Variants in NAALADL2 observed in about 807,000 individuals in gnomAD.
NAALADL2 encodes N-acetylated alpha-linked acidic dipeptidase like 2.
NAALADL2 carries 76 observed loss-of-function variants against 87.2 expected under a neutral mutation model. The ratio of observed to expected loss-of-function variants is 0.87; its 90% CI spans 0.72 to 1.05. NAALADL2 has a LOEUF of 1.05. NAALADL2 is among the 50% of genes least tolerant of loss of function. The pLI, the probability that NAALADL2 is intolerant of heterozygous loss-of-function variation, is 0.00. For synonymous variants in NAALADL2, 354 were observed against 331.0 expected, an observed-to-expected ratio of 1.07 and a Z score of -0.75; for missense variants, 1,089 against 945.8, an observed-to-expected ratio of 1.15 and a Z score of -1.99.
intron 1 of NAALADL2, among the ~76,000 whole-genome samples, chr3:175,005,257 T>C (rs1178456664): frequency 6.6e-6 from 1 of 152,150 alleles, no homozygotes; most frequent in Non-Finnish European, 1.5e-5. Context: ...TAATAACTTA[T>C]TCAAGGTCAA....
chr3:175,135,107 A>G lies in NAALADL2; in HGVS notation c.545+37816A>G, dbSNP rs566715817. On this transcript the variant is annotated intron_variant, in intron 2 of 13. Transcript: ENST00000454872. ...TGGCTCCTGTCTGCTACTACTGCAAATAATGTTTTGTTCAAAAATAATATC... is the reference window on the plus strand; with the variant it reads ...TGGCTCCTGTCTGCTACTACTGCAAGTAATGTTTTGTTCAAAAATAATATC... Among the ~76,000 whole-genome samples, 7 of 152,282 alleles carry G rather than the reference A, an allele frequency of 4.6e-5. No homozygotes were observed. In the East Asian group the frequency reaches 1.2e-3, roughly 25 times the overall value.
chr3:175,713,596 T>C (rs1740830567), intron 11 of NAALADL2, among the ~76,000 whole-genome samples: 1 of 152,138 alleles, frequency 6.6e-6, no homozygotes, highest in Non-Finnish European at 1.5e-5. Flanking sequence ...CAAATGATGT[T>C]ATTTAATAAT....
intron 5 of NAALADL2, among the ~76,000 whole-genome samples, chr3:175,346,096 A>G (rs555820831): frequency 4.2e-4 from 64 of 152,258 alleles, no homozygotes; most frequent in Middle Eastern, 6.8e-3. Context: ...TTTGACTGTA[A>G]CATTTATATA....
At chr3:174,792,910 CTTT>C (rs1211834812) in intron 3 of NAALADL2, among the ~76,000 whole-genome samples, 1 of 152,042 alleles carries the variant, frequency 6.6e-6, no homozygotes, top group African/African-American at 2.4e-5. Context: ...TCACTGCCAG[CTTT>C]AAAGGGTTTG....
At chr3:174,781,290 G>A (rs552363699) in intron 3 of NAALADL2, among the ~76,000 whole-genome samples, 1 of 150,866 alleles carries the variant, frequency 6.6e-6, no homozygotes, top group African/African-American at 2.5e-5. Context: ...TATCTTTGTG[G>A]TGTTCTCTGT....
intron 1 of NAALADL2, among the ~76,000 whole-genome samples, chr3:174,976,239 A>C (rs76460758): frequency 0.024 from 3,720 of 152,296 alleles, 144 homozygotes; most frequent in East Asian, 0.19. Flanking sequence ...CCTTAAAACT[A>C]TCTTATAGAT....
intron 1 of NAALADL2, among the ~76,000 whole-genome samples, chr3:174,531,539 A>G (rs967434645): frequency 1.3e-5 from 2 of 152,194 alleles, no homozygotes; most frequent in Non-Finnish European, 2.9e-5. Flanking sequence ...CTGAGAGTCA[A>G]TCTTTTGTGA....
chr3:175,598,184 G>A (rs913278536), intron 10 of NAALADL2, among the ~76,000 whole-genome samples: 3 of 151,810 alleles, frequency 2.0e-5, no homozygotes, highest in African/African-American at 7.3e-5. Context: ...GAATGACTTT[G>A]GACTTCAATT....
At chr3:175,678,988 G>A (rs1196638812) in intron 11 of NAALADL2, among the ~76,000 whole-genome samples, 1 of 151,944 alleles carries the variant, frequency 6.6e-6, no homozygotes, top group East Asian at 1.9e-4. Flanking sequence ...CCCTTTTATA[G>A]GATTTGGGTA....
chr3:175,739,749 A>C (rs945462507), intron 12 of NAALADL2, among the ~76,000 whole-genome samples: 3 of 152,194 alleles, frequency 2.0e-5, no homozygotes, highest in Admixed American at 1.3e-4. Flanking sequence ...AAATAAACCA[A>C]AATTAAAATC....
At chr3:174,519,375 C>T (rs1038574547) in intron 1 of NAALADL2, among the ~76,000 whole-genome samples, 1 of 146,674 alleles carries the variant, frequency 6.8e-6, no homozygotes, top group Admixed American at 6.8e-5. Context: ...TTTGCCCAGG[C>T]TGGAGTGCAG....
chr3:175,052,916 C>A (rs1450890830), intron 1 of NAALADL2, among the ~76,000 whole-genome samples: 3 of 152,070 alleles, frequency 2.0e-5, no homozygotes, highest in Admixed American at 6.6e-5. Flanking sequence ...TTGTTCAGAC[C>A]AGCTTAACAT....
At chr3:174,599,376 T>C (rs1184175113) in intron 2 of NAALADL2, among the ~76,000 whole-genome samples, 1 of 152,150 alleles carries the variant, frequency 6.6e-6, no homozygotes, top group African/African-American at 2.4e-5. Flanking sequence ...AAAACTGACC[T>C]TCTAGATGGT....
At chr3:175,492,627 C>T (rs979662288) in intron 9 of NAALADL2, among the ~76,000 whole-genome samples, 1 of 152,112 alleles carries the variant, frequency 6.6e-6, no homozygotes, top group Non-Finnish European at 1.5e-5. Context: ...ATAGATCGTT[C>T]ACATTCATTT....
intron 1 of NAALADL2, among the ~76,000 whole-genome samples, chr3:175,025,241 TG>T (rs1189149419): frequency 2.6e-5 from 4 of 151,774 alleles, no homozygotes; most frequent in East Asian, 1.9e-4. Flanking sequence ...AGCAGGCATA[TG>T]AAAAAAAAAA....
intron 4 of NAALADL2, among the ~76,000 whole-genome samples, chr3:175,305,780 C>T (rs1218009951): frequency 6.6e-6 from 1 of 152,150 alleles, no homozygotes; most frequent in Non-Finnish European, 1.5e-5. Flanking sequence ...CCTCGGCCTC[C>T]CAAAGTGCTG....
At chr3:174,685,916 G>A (rs1277290602) in intron 2 of NAALADL2, among the ~76,000 whole-genome samples, 1 of 151,540 alleles carries the variant, frequency 6.6e-6, no homozygotes. Context: ...AGAACATGCG[G>A]TATTGGTTTT....
At chr3:174,649,861 CTGAG>C (rs1724177291) in intron 2 of NAALADL2, among the ~76,000 whole-genome samples, 2 of 152,122 alleles carry the variant, frequency 1.3e-5, no homozygotes, top group South Asian at 2.1e-4. Flanking sequence ...TTGTTTTAGG[CTGAG>C]TATTAAAATC....
At chr3:174,444,584 T>G (rs1038125650) in intron 1 of NAALADL2, among the ~76,000 whole-genome samples, 1 of 152,124 alleles carries the variant, frequency 6.6e-6, no homozygotes, top group Admixed American at 6.5e-5. Context: ...CTAAATCATA[T>G]GATGAAATCC....
Sources: gnomAD v4.1 joint callset for allele counts (sites outside exome capture counted in the v4.1 genomes callset) on GRCh38, gnomAD v4.1.1 for gene constraint, MANE v1.5 for transcripts, NCBI Gene and HGNC (gene_info 2026-07-23, HGNC 2026-07-21) for gene names.